The following CLTCL1 variants were observed in gnomAD, a reference collection of about 807,000 sequenced individuals.
CLTCL1 encodes the protein clathrin heavy chain 2.
In CLTCL1, 159 loss-of-function variants were observed where a neutral mutation model predicts 190.0. The observed-to-expected ratio is 0.84, with a 90% CI of 0.74 to 0.95. The LOEUF is 0.95. CLTCL1 is among the 40% of genes least tolerant of loss of function. The probability of loss-of-function intolerance (pLI) is 0.00; values close to 1 mark genes in which losing one functional copy is unlikely to be tolerated. For synonymous variants in CLTCL1, 752 were observed against 769.6 expected, an observed-to-expected ratio of 0.98 and a Z score of 0.38; for missense variants, 1,878 against 2,033.4, an observed-to-expected ratio of 0.92 and a Z score of 1.47.
intron 3 of CLTCL1, among the ~76,000 whole-genome samples, chr22:19,243,763 T>A (rs1555966745): frequency 6.8e-6 from 1 of 147,064 alleles, no homozygotes; most frequent in African/African-American, 2.5e-5. Context: ...AGTGGCGTGA[T>A]CTCGGCTCAC....
intron 29 of CLTCL1, among the ~76,000 whole-genome samples, chr22:19,185,860 C>T (rs782626312): frequency 6.6e-6 from 1 of 152,242 alleles, no homozygotes; most frequent in African/African-American, 2.4e-5. Flanking sequence ...CCCTCAGGTG[C>T]GTCTGAGCCC....
intron 3 of CLTCL1, among the ~76,000 whole-genome samples, chr22:19,243,454 C>CAA (rs1306891592): frequency 6.6e-6 from 1 of 151,900 alleles, no homozygotes; most frequent in Non-Finnish European, 1.5e-5. Context: ...GCCATCTCTA[C>CAA]AAAAAAATAA....
Position 19,196,473 on chromosome 22 carries a change from A to C in CLTCL1, c.4041+16T>G. On this transcript the variant is annotated intron_variant, in intron 25 of 32. Coordinates refer to ENST00000427926, the MANE Select transcript of CLTCL1 (RefSeq NM_007098.4). ...CACGTGGCCACGGCTGCCAGACTGC[A>C]AGGAGTACACGGTACCTTTGGGATG... 1.9e-6 allele frequency: 3 copies of C among 1,613,994 alleles called. No homozygotes were observed. Among genetic ancestry groups the C allele is most frequent in the South Asian group, 2.2e-5 (2 of 91,088 alleles).
chr22:19,211,095 A>C (rs2085205926), intron 19 of CLTCL1, among the ~76,000 whole-genome samples: 1 of 144,656 alleles, frequency 6.9e-6, no homozygotes, highest in Non-Finnish European at 1.5e-5. Context: ...GCAAAACTTT[A>C]TACAATTCAA....
chr22:19,241,443 C>T (rs183389613), intron 4 of CLTCL1, among the ~76,000 whole-genome samples: 2 of 152,308 alleles, frequency 1.3e-5, no homozygotes, highest in Non-Finnish European at 2.9e-5. Flanking sequence ...ACACGTGACC[C>T]GAGTCCTTTT....
rs181356625 is a variant in CLTCL1, at chr22:19,266,890, A to G, written c.250+8733T>C. The stretch of plus-strand genomic sequence containing the variant: ...CTACCCCAAATCCACAGCCAACATC[A>G]TATTTAATTGTAAAAGGCTAAAAAC... On this transcript the variant is annotated intron_variant, in intron 2 of 32. Coordinates refer to ENST00000427926, the MANE Select transcript of CLTCL1 (RefSeq NM_007098.4). Among the ~76,000 whole-genome samples the G allele has an allele frequency of 6.6e-5, 10 of 152,336 alleles. No homozygotes were observed. The East Asian group carries it at 1.9e-3, about 29-fold the overall frequency.
intron 15 of CLTCL1, among the ~76,000 whole-genome samples, chr22:19,222,369 G>A (rs1012339128): frequency 7.2e-5 from 11 of 152,328 alleles, no homozygotes; most frequent in African/African-American, 2.6e-4. Flanking sequence ...GAGTGCACAT[G>A]CACAGAGGAA....
In CLTCL1 at chr22:19,180,750, C is replaced by T. The variant is rs2084107819; in HGVS notation, c.4884G>A (p.Glu1628=). The change falls in exon 31 of 33, where the codon GAG becomes GAA. Residue 1628 remains glutamate, a synonymous_variant. Transcript: ENST00000427926. ...SLRKQEEHVT[E]PAPLVFDFDG... The stretch of plus-strand genomic sequence containing the variant: ...ACCTACCAAACACGAGAGGGGCAGG[C>T]TCTGTCACATGCTCCTCTTGCTTGC... The T allele has an allele frequency of 6.2e-7, 1 of 1,613,674 alleles. No homozygotes were observed. Among genetic ancestry groups the T allele is most frequent in the East Asian group, 2.2e-5 (1 of 44,900 alleles).
At position 19,201,473 on chromosome 22, in the gene CLTCL1, C is replaced by T. The variant is rs1165903926; in HGVS notation, c.3621G>A (p.Glu1207=). The stretch of plus-strand genomic sequence containing the variant: ...GCTTGGCAGCCTCGTACATTCCCTC[C>T]TCGTAACAGCGGTCTCCAACCTACG... ...HIQQVGDRCY[E]EGMYEAAKLL... The change falls in exon 23 of 33, where the codon GAG becomes GAA. Residue 1207 remains glutamate (E), a synonymous_variant. Coordinates refer to ENST00000427926, the MANE Select transcript of CLTCL1 (RefSeq NM_007098.4). 6.2e-7 allele frequency: 1 copy of T among 1,613,472 alleles called. No individual in the cohort carries two copies. The highest frequency in any genetic ancestry group is 8.5e-7 in the Non-Finnish European group (1 of 1,179,590).
chr22:19,248,790 A>C (rs548895500), intron 3 of CLTCL1, among the ~76,000 whole-genome samples: 8 of 152,098 alleles, frequency 5.3e-5, no homozygotes, highest in Non-Finnish European at 5.9e-5. Flanking sequence ...CCACAGGGTG[A>C]TCTGCCTGCC....
At chr22:19,221,692 T>C in intron 16 of CLTCL1, 81 bp from the exon 17 acceptor site, 1 of 1,268,636 alleles carries the variant, frequency 7.9e-7, no homozygotes, top group Non-Finnish European at 1.1e-6. Context: ...CTGACAGATG[T>C]TTCCTGAAAC....
chr22:19,187,428 C>T (rs1372574580), intron 29 of CLTCL1, 130 bp downstream of exon 29: 3 of 859,452 alleles, frequency 3.5e-6, no homozygotes, highest in Non-Finnish European at 3.6e-6. Context: ...TCCCCCCACC[C>T]ACCACGAGGA....
chr22:19,206,387 T>G (rs2085051106), intron 22 of CLTCL1, among the ~76,000 whole-genome samples: 2 of 151,940 alleles, frequency 1.3e-5, no homozygotes, highest in Admixed American at 6.6e-5. Flanking sequence ...TGATTACAAG[T>G]GCATGCCACA....
intron 2 of CLTCL1, among the ~76,000 whole-genome samples, chr22:19,274,730 CTT>C (rs56410068): frequency 1.5e-4 from 21 of 135,758 alleles, no homozygotes; most frequent in Admixed American, 2.2e-4. Flanking sequence ...TTCTTTGTTT[CTT>C]TTTTTTTTTT....
intron 29 of CLTCL1, among the ~76,000 whole-genome samples, chr22:19,185,316 C>G (rs554773944): frequency 0.012 from 1,815 of 146,934 alleles, 18 homozygotes; most frequent in Non-Finnish European, 0.021. Flanking sequence ...GAAGCGCGCT[C>G]GGCCACTTTC....
At chr22:19,220,205 C>T (rs1008927097) in intron 17 of CLTCL1, among the ~76,000 whole-genome samples, 198 bp from the exon 18 acceptor site, 4 of 152,112 alleles carry the variant, frequency 2.6e-5, no homozygotes. Context: ...CTCAAAATGC[C>T]CTTTCCAAGT....
chr22:19,230,093 C>G lies in CLTCL1; in HGVS notation c.1645-118G>C, dbSNP rs1169303965. 50 of 741,862 alleles carry G rather than the reference C, an allele frequency of 6.7e-5. 1 individual carries two copies. The African/African-American group carries it at 1.2e-3, about 17-fold the overall frequency. 46.0% of individuals were successfully genotyped at this position (741,862 alleles called of 1,614,324 possible). The stretch of plus-strand genomic sequence containing the variant: ...TAGAAATTCAGCAATTAGTTCCCTC[C>G]CTTGGTTTTTTTTTTTTTTTTGAGA... On this transcript the variant is annotated intron_variant, in intron 10 of 32. Transcript: ENST00000427926.
chr22:19,241,367 G>C (rs1364207122), intron 4 of CLTCL1, among the ~76,000 whole-genome samples: 1 of 152,224 alleles, frequency 6.6e-6, no homozygotes, highest in Non-Finnish European at 1.5e-5. Flanking sequence ...CACTCTGAGG[G>C]AATATGGGAG....
chr22:19,179,852 T>A lies in CLTCL1; in HGVS notation c.*138A>T. On this transcript the variant is annotated 3_prime_UTR_variant, in exon 33 of 33. Transcript: ENST00000427926. ...TTGGAGAAGTTAGTAACTCTGCAGG[T>A]AGGGTGGGTGGTGACAACGCCCACT... 2 of 330,194 alleles carry A rather than the reference T, an allele frequency of 6.1e-6. No individual in the cohort carries two copies. Among genetic ancestry groups the A allele is most frequent in the Admixed American group, 9.0e-5 (2 of 22,156 alleles). 20.5% of individuals were successfully genotyped at this position (330,194 alleles called of 1,614,324 possible). A position where few individuals can be genotyped will look rare whatever the true frequency, so the allele number is the denominator to read the frequency against.
Sources: allele counts gnomAD v4.1 joint callset (sites outside exome capture counted in the v4.1 genomes callset), GRCh38; gene constraint gnomAD v4.1.1; transcripts MANE v1.5; gene names NCBI Gene and HGNC (gene_info 2026-07-23, HGNC 2026-07-21).